The following ABCB1 variants were observed in gnomAD, a reference collection of about 807,000 sequenced individuals.
ABCB1 encodes ATP binding cassette subfamily B member 1, also known as ATP-dependent translocase ABCB1.
In ABCB1, 69 loss-of-function variants were observed where a neutral mutation model predicts 142.0. The ratio of observed to expected loss-of-function variants is 0.49; its 90% CI spans 0.40 to 0.59. ABCB1 has a LOEUF of 0.59. ABCB1 is among the 20% of genes least tolerant of loss of function. The pLI is 0.00. For missense variants in ABCB1, 1,326 were observed against 1,554.7 expected, an observed-to-expected ratio of 0.85 and a Z score of 2.47; for synonymous variants, 532 against 539.2, an observed-to-expected ratio of 0.99 and a Z score of 0.18.
At chr7:87,559,858 T>C (rs1318834720) in intron 8 of ABCB1, among the ~76,000 whole-genome samples, 2 of 152,192 alleles carry the variant, frequency 1.3e-5, no homozygotes, top group Non-Finnish European at 1.5e-5. Flanking sequence ...GTTTTGTCTG[T>C]CTTCCAATGC....
chr7:87,663,943 C>T (rs1472263070), intron 1 of ABCB1, among the ~76,000 whole-genome samples: 1 of 152,130 alleles, frequency 6.6e-6, no homozygotes, highest in Non-Finnish European at 1.5e-5. Context: ...AGGCCCCACC[C>T]TTATACCTCA....
At position 87,550,751 on chromosome 7, in the gene ABCB1, A is replaced by T; in HGVS notation, c.1087T>A (p.Tyr363Asn). The change falls in exon 10 of 28, where the codon TAT (tyrosine) becomes AAT (asparagine). Residue 363 changes from tyrosine (Y) to asparagine (N), a missense_variant. Physicochemically the swap from Tyr to Asn is moderately radical, Grantham distance 143 (BLOSUM62 -2). Coordinates refer to ENST00000622132, the MANE Select transcript of ABCB1 (RefSeq NM_001348946.2). ...EAFANARGAA[Y>N]EIFKIIDNKP... ...TTATCAATTATCTTGAAGATTTCAT[A>T]AGCTGCTCCTCTTGCATTTGCAAAT... 1.9e-6 allele frequency: 3 copies of T among 1,613,416 alleles called. No homozygotes were observed. The highest frequency in any genetic ancestry group is 2.5e-6 in the Non-Finnish European group (3 of 1,179,334).
At chr7:87,633,318 A>G (rs1821413092) in intron 1 of ABCB1, among the ~76,000 whole-genome samples, 1 of 152,234 alleles carries the variant, frequency 6.6e-6, no homozygotes, top group African/African-American at 2.4e-5. Flanking sequence ...TGCTTTAAAA[A>G]ATGATTACAC....
intron 1 of ABCB1, among the ~76,000 whole-genome samples, chr7:87,711,918 T>C (rs1830126273): frequency 1.3e-5 from 2 of 152,158 alleles, no homozygotes; most frequent in African/African-American, 4.8e-5. Flanking sequence ...AAACTAGTTT[T>C]GATAGAAAAA....
intron 1 of ABCB1, among the ~76,000 whole-genome samples, chr7:87,616,968 G>T (rs1651847339): frequency 6.6e-6 from 1 of 152,178 alleles, no homozygotes; most frequent in Admixed American, 6.5e-5. Flanking sequence ...TATTGGTGAG[G>T]CCTAGTAGGG....
intron 25 of ABCB1, among the ~76,000 whole-genome samples, chr7:87,513,761 C>A (rs1412369603): frequency 1.3e-5 from 2 of 152,182 alleles, no homozygotes. Context: ...CTTTAACTCA[C>A]AAAACTATAT....
At chr7:87,516,459 TTTCA>T in intron 24 of ABCB1, 46 bp downstream of exon 24, 2 of 1,611,230 alleles carry the variant, frequency 1.2e-6, no homozygotes, top group Non-Finnish European at 1.7e-6. Flanking sequence ...CTTAAAATAC[TTTCA>T]TTCAGGAGTC....
At chr7:87,646,390 A>G (rs1328244407) in intron 1 of ABCB1, among the ~76,000 whole-genome samples, 1 of 152,184 alleles carries the variant, frequency 6.6e-6, no homozygotes, top group Non-Finnish European at 1.5e-5. Context: ...AAAGGTGGAA[A>G]TTGAGTTCTA....
chr7:87,589,314 T>C (rs1023463565), intron 3 of ABCB1, among the ~76,000 whole-genome samples: 5 of 152,204 alleles, frequency 3.3e-5, no homozygotes, highest in Non-Finnish European at 7.3e-5. Context: ...AAGAAACTTA[T>C]TGAGCATACA....
chr7:87,590,606 A>G (rs1818961545), intron 3 of ABCB1, among the ~76,000 whole-genome samples: 1 of 152,236 alleles, frequency 6.6e-6, no homozygotes, highest in Non-Finnish European at 1.5e-5. Flanking sequence ...GGAAGAGCCA[A>G]TGCAAAGGTA....
intron 5 of ABCB1, among the ~76,000 whole-genome samples, chr7:87,569,618 G>A (rs961455273): frequency 1.4e-4 from 22 of 151,924 alleles, no homozygotes; most frequent in Admixed American, 5.9e-4. Context: ...TTGTCATGTC[G>A]TATGAAAACA....
At chr7:87,656,405 G>C (rs989789640) in intron 1 of ABCB1, among the ~76,000 whole-genome samples, 1 of 152,058 alleles carries the variant, frequency 6.6e-6, no homozygotes, top group African/African-American at 2.4e-5. Context: ...GTTGGTTGTG[G>C]GTAGGAGAAA....
intron 1 of ABCB1, among the ~76,000 whole-genome samples, chr7:87,608,675 T>C (rs936227921): frequency 2.6e-4 from 40 of 152,322 alleles, no homozygotes; most frequent in Middle Eastern, 3.4e-3. Context: ...GTTTTTTTTA[T>C]CGTTTTATGA....
intron 1 of ABCB1, among the ~76,000 whole-genome samples, chr7:87,638,611 ATT>A (rs879545318): frequency 7.1e-6 from 1 of 139,900 alleles, no homozygotes; most frequent in Non-Finnish European, 1.6e-5. Flanking sequence ...TATATTGTCA[ATT>A]TTTTTTTTTT....
At chr7:87,621,117 T>C (rs1208602152) in intron 1 of ABCB1, among the ~76,000 whole-genome samples, 5 of 152,152 alleles carry the variant, frequency 3.3e-5, no homozygotes, top group African/African-American at 4.8e-5. Flanking sequence ...CTAATTAGAA[T>C]CCCTATAGGC....
chr7:87,511,721 G>A (rs1815016104), intron 25 of ABCB1, among the ~76,000 whole-genome samples: 1 of 152,230 alleles, frequency 6.6e-6, no homozygotes, highest in African/African-American at 2.4e-5. Flanking sequence ...TCTAGGTTGG[G>A]TTTTGGTAAC....
At chr7:87,707,423 C>A (rs1829702829) in intron 1 of ABCB1, among the ~76,000 whole-genome samples, 1 of 151,996 alleles carries the variant, frequency 6.6e-6, no homozygotes, top group Non-Finnish European at 1.5e-5. Flanking sequence ...CCTTTAATCC[C>A]AGCACTTTGG....
rs11294617 is a variant in ABCB1 at position 87,614,056 on chromosome 7, A to AT, written c.-330-12979dup. 7.2e-3 allele frequency among the ~76,000 whole-genome samples: 1,071 copies of AT among 148,046 alleles called. 2 individuals carry two copies. The highest frequency in any genetic ancestry group is 9.8e-3 in the Non-Finnish European group (652 of 66,612). ...TTGGACAAACAATTCTAAATATTGT[A>AT]TTTTTTTTTTTACTTTATGAAGTTA... On this transcript the variant is annotated intron_variant, in intron 1 of 28. Transcript: ENST00000265724.
chr7:87,557,163 C>T (rs1029093092), intron 8 of ABCB1, among the ~76,000 whole-genome samples: 3 of 152,082 alleles, frequency 2.0e-5, no homozygotes, highest in Admixed American at 6.5e-5. Flanking sequence ...TTTTCTTTGA[C>T]GATTCCTTAT....
Sources: gnomAD v4.1 joint callset for allele counts (sites outside exome capture counted in the v4.1 genomes callset) on GRCh38, gnomAD v4.1.1 for gene constraint, MANE v1.5 for transcripts, NCBI Gene and HGNC (gene_info 2026-07-23, HGNC 2026-07-21) for gene names.